Variants in IQUB observed in about 807,000 individuals in gnomAD.
IQUB encodes IQ motif and ubiquitin domain containing.
A neutral mutation model predicts 86.4 loss-of-function variants in IQUB; 86 were observed. The observed-to-expected ratio is 1.00, with a 90% CI of 0.84 to 1.19. IQUB has a LOEUF of 1.19. Among genes scored for constraint, IQUB ranks in the 50% most tolerant of loss-of-function variants. The probability of loss-of-function intolerance (pLI) is 0.00; values close to 1 mark genes in which losing one functional copy is unlikely to be tolerated. For missense variants in IQUB, 946 were observed against 916.9 expected (o/e 1.03, Z -0.41); for synonymous variants, 289 against 304.5 (o/e 0.95, Z 0.53).
intron 8 of IQUB, among the ~76,000 whole-genome samples, chr7:123,470,107 G>T (rs939972838): frequency 6.6e-6 from 1 of 152,138 alleles, no homozygotes; most frequent in Admixed American, 6.5e-5. Context: ...AGAATTCAGA[G>T]ATTAGAGACA....
intron 7 of IQUB, among the ~76,000 whole-genome samples, chr7:123,488,453 A>G (rs1039188536): frequency 1.3e-5 from 2 of 152,210 alleles, no homozygotes; most frequent in South Asian, 4.1e-4. Flanking sequence ...GGAGGTAGGT[A>G]CTGACAGCTT....
At chr7:123,461,932 G>C (rs897344386) in intron 10 of IQUB, among the ~76,000 whole-genome samples, 3 of 151,630 alleles carry the variant, frequency 2.0e-5, no homozygotes, top group African/African-American at 7.3e-5. Flanking sequence ...GGAAAATTTA[G>C]ATTTTTTTCA....
chr7:123,495,603 G>A (rs1280851614), intron 7 of IQUB, among the ~76,000 whole-genome samples: 1 of 152,052 alleles, frequency 6.6e-6, no homozygotes, highest in Non-Finnish European at 1.5e-5. Context: ...GCCAATTGAG[G>A]CTATTTCTAG....
At chr7:123,493,927 G>A (rs1795601832) in intron 7 of IQUB, among the ~76,000 whole-genome samples, 1 of 151,946 alleles carries the variant, frequency 6.6e-6, no homozygotes, top group Non-Finnish European at 1.5e-5. Flanking sequence ...GGATACATAA[G>A]TTATGGCACA....
chr7:123,494,812 G>GA (rs1479628190), intron 7 of IQUB, among the ~76,000 whole-genome samples: 2 of 152,072 alleles, frequency 1.3e-5, no homozygotes, highest in African/African-American at 4.8e-5. Flanking sequence ...GATAGATGAA[G>GA]AAATCGAGGT....
At chr7:123,505,997 G>C (rs1001441530) in intron 3 of IQUB, among the ~76,000 whole-genome samples, 3 of 152,112 alleles carry the variant, frequency 2.0e-5, no homozygotes, top group East Asian at 3.9e-4. Context: ...TGAATGCTTT[G>C]CTGTTTAGAA....
chr7:123,477,817 T>C (rs1280928979), intron 8 of IQUB, among the ~76,000 whole-genome samples: 1 of 152,222 alleles, frequency 6.6e-6, no homozygotes, highest in East Asian at 1.9e-4. Context: ...AAGACATTTA[T>C]GCAGCCAACA....
chr7:123,494,925 AC>A (rs1795644074), intron 7 of IQUB, among the ~76,000 whole-genome samples: 2 of 152,114 alleles, frequency 1.3e-5, no homozygotes, highest in African/African-American at 4.8e-5. Flanking sequence ...TTGTCTGTTA[AC>A]CACACAAAGA....
chr7:123,525,537 A>T (rs557195087), intron 1 of IQUB, among the ~76,000 whole-genome samples: 1 of 151,980 alleles, frequency 6.6e-6, no homozygotes. Flanking sequence ...TCTGTGGGAT[A>T]GGTGGTGATA....
intron 9 of IQUB, among the ~76,000 whole-genome samples, chr7:123,466,477 C>T (rs1483475026): frequency 6.6e-6 from 1 of 152,098 alleles, no homozygotes; most frequent in Non-Finnish European, 1.5e-5. Context: ...CCCTCCCTAC[C>T]TATCTCTGTC....
At chr7:123,473,675 A>G (rs1794632699) in intron 8 of IQUB, among the ~76,000 whole-genome samples, 1 of 151,924 alleles carries the variant, frequency 6.6e-6, no homozygotes, top group Non-Finnish European at 1.5e-5. Context: ...TCCCGGGTTC[A>G]AGTGATTCTC....
At chr7:123,475,674 T>C (rs189405419) in intron 8 of IQUB, among the ~76,000 whole-genome samples, 2 of 152,254 alleles carry the variant, frequency 1.3e-5, no homozygotes, top group Admixed American at 1.3e-4. Context: ...ATGATGGCAC[T>C]AGTGGGAAAA....
intron 1 of IQUB, among the ~76,000 whole-genome samples, chr7:123,522,947 TGCG>T (rs1796984743): frequency 6.8e-6 from 1 of 147,886 alleles, no homozygotes. Context: ...AGTGAGAATA[TGCG>T]GTGTTTGGTT....
At chr7:123,532,415 T>A (rs1281331032) in intron 1 of IQUB, 1 of 152,084 alleles carries the variant, frequency 6.6e-6, no homozygotes, top group Non-Finnish European at 1.5e-5. Flanking sequence ...TCTGCCTGAT[T>A]CTAAACTGCT....
rs370599746 is a variant in IQUB at position 123,503,197 on chromosome 7, C to T, written c.694+5G>A. 2.7e-5 allele frequency: 43 copies of T among 1,608,684 alleles called. No homozygotes were observed. The highest frequency in any genetic ancestry group is 3.5e-5 in the Non-Finnish European group (41 of 1,178,096). The stretch of plus-strand genomic sequence containing the variant: ...ACTTTATCTAAAAGACATCAAATAA[C>T]GAACCAGTTTGGACAGTGACAGTTA... On this transcript the variant is annotated splice_donor_5th_base_variant and intron_variant, in intron 4 of 12. Coordinates refer to ENST00000324698, the MANE Select transcript of IQUB (RefSeq NM_178827.5).
At chr7:123,466,225 AG>A (rs1236847705) in intron 9 of IQUB, among the ~76,000 whole-genome samples, 1 of 149,168 alleles carries the variant, frequency 6.7e-6, no homozygotes, top group Non-Finnish European at 1.5e-5. Flanking sequence ...TTGTACTTAA[AG>A]ACTTTAATCC....
chr7:123,494,967 T>C (rs1795645380), intron 7 of IQUB, among the ~76,000 whole-genome samples: 1 of 152,106 alleles, frequency 6.6e-6, no homozygotes, highest in South Asian at 2.1e-4. Context: ...CACATAAGAA[T>C]TTAGAATATT....
At position 123,490,976 on chromosome 7, in the gene IQUB, A is replaced by C. The variant is rs568649610; in HGVS notation, c.1234+5720T>G. Among the ~76,000 whole-genome samples the C allele has an allele frequency of 2.3e-4, 35 of 151,958 alleles. No individual in the cohort carries two copies. In the South Asian group the frequency reaches 4.8e-3, roughly 21 times the overall value. On this transcript the variant is annotated intron_variant, in intron 7 of 12. Transcript: ENST00000324698. Reference sequence around the variant, plus strand: ...CAAAACACCATCTTGGAAAAAAAAAAAAACAAACAAACCTCAAACCTCAAA... The same window carrying C: ...CAAAACACCATCTTGGAAAAAAAAACAAACAAACAAACCTCAAACCTCAAA...
At position 123,457,388 on chromosome 7, in the gene IQUB, A is replaced by G. The variant is rs1207551806; in HGVS notation, c.2186T>C (p.Ile729Thr). Reference protein sequence around the residue: ...EAAAHLKLTSIEEGYERSFIH... With the variant: ...EAAAHLKLTSTEEGYERSFIH... ...AAAATTCAACTTTCTTACCTCTTCAATACTTGTTAGCTTGAGATGAGCAGC... is the reference window on the plus strand; with the variant it reads ...AAAATTCAACTTTCTTACCTCTTCAGTACTTGTTAGCTTGAGATGAGCAGC... The change falls in exon 12 of 13, where the codon ATT becomes ACT. Residue 729 changes from isoleucine (I) to threonine (T), a missense_variant. By Grantham distance (89) the Ile-to-Thr change is moderately conservative. Transcript: ENST00000324698. The G allele has an allele frequency of 1.9e-6, 3 of 1,610,768 alleles. No individual in the cohort carries two copies. The highest frequency in any genetic ancestry group is 1.3e-5 in the African/African-American group (1 of 74,654).
Sources: allele counts gnomAD v4.1 joint callset (sites outside exome capture counted in the v4.1 genomes callset), GRCh38; gene constraint gnomAD v4.1.1; transcripts MANE v1.5; gene names NCBI Gene and HGNC (gene_info 2026-07-23, HGNC 2026-07-21).